ADGB: variants seen among roughly 807,000 people sequenced by gnomAD.
The protein encoded by ADGB is calpain-7-like protein.
Under a neutral mutation model 210.5 loss-of-function variants are expected in ADGB, and 172 were observed. The observed-to-expected ratio is 0.82, with a 90% CI of 0.72 to 0.93. ADGB has a LOEUF of 0.93. Among genes scored for constraint, ADGB ranks in the 40% least tolerant of loss-of-function variants. The pLI, the probability that ADGB is intolerant of heterozygous loss-of-function variation, is 0.00. For synonymous variants in ADGB, 658 were observed against 662.7 expected (o/e 0.99, Z 0.11); for missense variants, 2,025 against 1,964.8 (o/e 1.03, Z -0.58).
intron 29 of ADGB, among the ~76,000 whole-genome samples, chr6:146,771,868 A>G (rs1777657532): frequency 6.6e-6 from 1 of 152,234 alleles, no homozygotes; most frequent in African/African-American, 2.4e-5. Flanking sequence ...GGTAGATTTT[A>G]CATTACATTT....
intron 11 of ADGB, among the ~76,000 whole-genome samples, 187 bp downstream of exon 11, chr6:146,691,477 A>ATATAAAT (rs1776322815): frequency 5.4e-5 from 1 of 18,568 alleles, no homozygotes; most frequent in Non-Finnish European, 7.9e-5. Flanking sequence ...TATATATATA[A>ATATAAAT]ATATATATAT....
At chr6:146,608,963 C>T (rs954948362) in intron 1 of ADGB, among the ~76,000 whole-genome samples, 8 of 152,002 alleles carry the variant, frequency 5.3e-5, no homozygotes, top group African/African-American at 1.9e-4. Flanking sequence ...ATATTGTCAT[C>T]GGGGTGTTAA....
intron 29 of ADGB, among the ~76,000 whole-genome samples, chr6:146,781,675 G>T (rs1035510887): frequency 6.6e-6 from 1 of 152,030 alleles, no homozygotes; most frequent in African/African-American, 2.4e-5. Flanking sequence ...AGGTAAATGA[G>T]TTCAATATTG....
intron 23 of ADGB, among the ~76,000 whole-genome samples, chr6:146,739,745 G>A (rs1000356612): frequency 6.6e-6 from 1 of 152,088 alleles, no homozygotes; most frequent in African/African-American, 2.4e-5. Flanking sequence ...TAATACCTGA[G>A]ACATCATATA....
chr6:146,708,583 G>T (rs1241048064), intron 13 of ADGB, among the ~76,000 whole-genome samples: 1 of 152,020 alleles, frequency 6.6e-6, no homozygotes, highest in Non-Finnish European at 1.5e-5. Context: ...AATTTGCTGA[G>T]AAATTATAAC....
At chr6:146,647,139 C>T (rs1383555271) in intron 3 of ADGB, among the ~76,000 whole-genome samples, 1 of 140,550 alleles carries the variant, frequency 7.1e-6, no homozygotes, top group Non-Finnish European at 1.6e-5. Flanking sequence ...AACAAAAACA[C>T]AAAAAACAAA....
At chr6:146,671,926 C>G (rs1269948062) in intron 7 of ADGB, among the ~76,000 whole-genome samples, 2 of 152,120 alleles carry the variant, frequency 1.3e-5, no homozygotes, top group Non-Finnish European at 2.9e-5. Context: ...AGGACATGTT[C>G]TTTCCCTGTC....
At chr6:146,786,953 A>G (rs769098727) in intron 32 of ADGB, among the ~76,000 whole-genome samples, 3 of 152,210 alleles carry the variant, frequency 2.0e-5, no homozygotes, top group Non-Finnish European at 4.4e-5. Context: ...TACAACAGGA[A>G]CAAGTGGGGA....
At position 146,784,760 on chromosome 6, in the gene ADGB, C is replaced by T. The variant is rs891322878; in HGVS notation, c.4178C>T (p.Ala1393Val). ...RADEIRAMKQ[A>V]WETTEPGRAI... ...GATGAAATCCGAGCCATGAAACAAG[C>T]CTGGGAGACAACTGAGCCAGGAAGA... The change falls in exon 31 of 36, where the codon GCC becomes GTC. Residue 1393 changes from alanine (A) to valine (V), a missense_variant. Coordinates refer to ENST00000397944, the MANE Select transcript of ADGB (RefSeq NM_024694.4). 13 of 1,550,254 alleles carry T rather than the reference C, an allele frequency of 8.4e-6. No individual in the cohort carries two copies. Among genetic ancestry groups the T allele is most frequent in the Non-Finnish European group, 4.4e-6 (5 of 1,146,380 alleles).
At chr6:146,733,865 A>C in intron 21 of ADGB, 28 bp from the exon 22 acceptor site, 1 of 1,550,942 alleles carries the variant, frequency 6.4e-7, no homozygotes, top group Non-Finnish European at 8.7e-7. Flanking sequence ...TATAACTTTC[A>C]GTCCAAAGTT....
chr6:146,751,492 A>G (rs1009147458), intron 26 of ADGB, among the ~76,000 whole-genome samples: 14 of 152,018 alleles, frequency 9.2e-5, no homozygotes, highest in African/African-American at 3.4e-4. Context: ...CTGGGTATAT[A>G]CCCAGTAATG....
chr6:146,663,539 G>A (rs1231305073), intron 5 of ADGB, among the ~76,000 whole-genome samples: 3 of 151,856 alleles, frequency 2.0e-5, no homozygotes, highest in Non-Finnish European at 4.4e-5. Flanking sequence ...TTGGGCATTA[G>A]GATTTCAACA....
At chr6:146,687,218 A>G (rs569939988) in intron 10 of ADGB, among the ~76,000 whole-genome samples, 1 of 152,244 alleles carries the variant, frequency 6.6e-6, no homozygotes, top group Admixed American at 6.6e-5. Context: ...AGCAACATTC[A>G]ACAATCTAAA....
intron 1 of ADGB, among the ~76,000 whole-genome samples, chr6:146,610,774 C>T (rs996785887): frequency 3.9e-5 from 6 of 152,168 alleles, no homozygotes; most frequent in Non-Finnish European, 7.3e-5. Flanking sequence ...GGGTGGTTCA[C>T]AGTAAAAGCA....
chr6:146,639,934 T>C (rs569910858), intron 2 of ADGB, among the ~76,000 whole-genome samples: 1 of 151,902 alleles, frequency 6.6e-6, no homozygotes, highest in African/African-American at 2.4e-5. Flanking sequence ...CTGAAGGAAA[T>C]TGACACATGA....
chr6:146,648,123 T>A (rs1016727919), intron 3 of ADGB, among the ~76,000 whole-genome samples: 1 of 83,190 alleles, frequency 1.2e-5, no homozygotes, highest in Non-Finnish European at 3.6e-5. Context: ...ACCATCTGAG[T>A]TTTTTACACA....
chr6:146,676,506 G>C (rs1319640007), intron 9 of ADGB, 65 bp downstream of exon 9: 6 of 1,203,236 alleles, frequency 5.0e-6, no homozygotes, highest in Non-Finnish European at 5.4e-6. Context: ...GGAAAACCTT[G>C]GAACATAGAA....
rs1778367571 is a variant in ADGB, at chr6:146,815,156, A to C, written c.4943A>C (p.Glu1648Ala). Residue 1648 changes from glutamate to alanine, a missense_variant, in exon 36 of 36, where the codon GAG (glutamate) becomes GCG (alanine). Glu to Ala is a moderately radical substitution (Grantham distance 107, BLOSUM62 -1). Transcript: ENST00000397944. Reference sequence around the variant, plus strand: ...GCTCAGGAAGCAGCCATGAAGCTGGAGACAGAAAAGATGACCCCAGCTCCT... The same window carrying C: ...GCTCAGGAAGCAGCCATGAAGCTGGCGACAGAAAAGATGACCCCAGCTCCT... Reference protein sequence around the residue: ...LAAQEAAMKLETEKMTPAPDT... With the variant: ...LAAQEAAMKLATEKMTPAPDT... 6.5e-7 allele frequency: 1 copy of C among 1,537,122 alleles called. No homozygotes were observed. The highest frequency in any genetic ancestry group is 1.4e-5 in the African/African-American group (1 of 71,364).
chr6:146,737,668 A>G (rs1462266289), intron 23 of ADGB, among the ~76,000 whole-genome samples: 1 of 152,148 alleles, frequency 6.6e-6, no homozygotes, highest in Non-Finnish European at 1.5e-5. Context: ...CTCTTTTCCA[A>G]CCTGCTTTTG....
Sources: allele counts gnomAD v4.1 joint callset (sites outside exome capture counted in the v4.1 genomes callset), GRCh38; gene constraint gnomAD v4.1.1; transcripts MANE v1.5; gene names NCBI Gene and HGNC (gene_info 2026-07-23, HGNC 2026-07-21).